The following RAB38 variants were observed in gnomAD, a reference collection of about 807,000 sequenced individuals.
The protein encoded by RAB38 is ras-related protein Rab-38.
Under a neutral mutation model 18.4 loss-of-function variants are expected in RAB38, and 15 were observed. That is an observed-to-expected ratio of 0.82 (90% CI 0.55 to 1.26). The LOEUF (loss-of-function observed/expected upper bound fraction) is 1.26. Ranked by LOEUF, RAB38 falls within the 50% of genes most tolerant of loss-of-function variation. The pLI, the probability that RAB38 is intolerant of heterozygous loss-of-function variation, is 0.00. For missense variants in RAB38, 294 were observed against 267.4 expected, an observed-to-expected ratio of 1.10 and a Z score of -0.69; for synonymous variants, 101 against 104.4, an observed-to-expected ratio of 0.97 and a Z score of 0.20.
the RAB38 span, among the ~76,000 whole-genome samples, chr11:87,870,341 A>G: frequency 6.6e-6 from 1 of 151,628 alleles, no homozygotes; most frequent in Non-Finnish European, 1.5e-5. Flanking sequence ...CATCGTGAAA[A>G]TGGCTCAGAA....
At chr11:87,956,453 G>T in the RAB38 span, among the ~76,000 whole-genome samples, 1 of 152,100 alleles carries the variant, frequency 6.6e-6, no homozygotes. Context: ...GCAGAGATTT[G>T]CTTAGCACAG....
chr11:87,973,201 T>C, the RAB38 span, among the ~76,000 whole-genome samples: 87 of 152,102 alleles, frequency 5.7e-4, no homozygotes, highest in African/African-American at 2.0e-3. Flanking sequence ...AGGGAGGAGC[T>C]AAATAAACAA....
the RAB38 span, among the ~76,000 whole-genome samples, chr11:87,885,142 C>T: frequency 8.6e-5 from 13 of 152,002 alleles, no homozygotes; most frequent in African/African-American, 2.2e-4. Flanking sequence ...CAACCTGCTA[C>T]GTAATCAAAA....
the RAB38 span, among the ~76,000 whole-genome samples, chr11:87,812,615 C>T: frequency 1.3e-5 from 2 of 152,184 alleles, no homozygotes; most frequent in Admixed American, 1.3e-4. Context: ...ACTGCAGGCG[C>T]AGGCTGTATG....
At chr11:87,846,434 AGGCTATTAGT>A in the RAB38 span, among the ~76,000 whole-genome samples, 1 of 152,108 alleles carries the variant, frequency 6.6e-6, no homozygotes. Flanking sequence ...AAGCATAAGA[AGGCTATTAGT>A]GGCTATGCTA....
At chr11:87,899,985 ATCAT>A in the RAB38 span, among the ~76,000 whole-genome samples, 2 of 151,162 alleles carry the variant, frequency 1.3e-5, no homozygotes, top group African/African-American at 2.4e-5. Context: ...TAGTCATTCC[ATCAT>A]TCATTCATTC....
At chr11:88,009,627 T>G in the RAB38 span, among the ~76,000 whole-genome samples, 1 of 152,158 alleles carries the variant, frequency 6.6e-6, no homozygotes, top group Non-Finnish European at 1.5e-5. Context: ...ATGATTCTGT[T>G]GAAGTGCTTG....
intron 2 of RAB38, among the ~76,000 whole-genome samples, chr11:88,140,068 G>A (rs1025244229): frequency 6.6e-6 from 1 of 152,226 alleles, no homozygotes; most frequent in Admixed American, 6.5e-5. Context: ...ATAATTCGGT[G>A]CACAAGCTAA....
the RAB38 span, among the ~76,000 whole-genome samples, chr11:87,850,745 CAT>C: frequency 2.7e-5 from 4 of 149,738 alleles, no homozygotes; most frequent in African/African-American, 7.4e-5. Context: ...CACACACACA[CAT>C]ACACACACAC....
chr11:87,894,101 T>C, the RAB38 span, among the ~76,000 whole-genome samples: 5 of 151,716 alleles, frequency 3.3e-5, no homozygotes, highest in Non-Finnish European at 5.9e-5. Context: ...TCAGCAACAT[T>C]TCATAGTTGT....
chr11:87,969,728 C>G, the RAB38 span, among the ~76,000 whole-genome samples: 1 of 152,102 alleles, frequency 6.6e-6, no homozygotes, highest in Non-Finnish European at 1.5e-5. Context: ...ACATATCTTA[C>G]TTTCTGTGTT....
At chr11:88,048,940 T>C in the RAB38 span, among the ~76,000 whole-genome samples, 2 of 152,296 alleles carry the variant, frequency 1.3e-5, no homozygotes, top group Admixed American at 1.3e-4. Context: ...CTCCTTGTCT[T>C]ATTCCGTTTA....
the RAB38 span, among the ~76,000 whole-genome samples, chr11:87,900,088 G>T: frequency 3.2e-3 from 485 of 151,628 alleles, 5 homozygotes; most frequent in African/African-American, 0.011. Flanking sequence ...TTACACCAAG[G>T]AGCTTACATC....
the RAB38 span, among the ~76,000 whole-genome samples, chr11:88,076,984 G>GA: frequency 0.086 from 5,307 of 61,462 alleles, 292 homozygotes; most frequent in East Asian, 0.17. Context: ...AAGAAAGAAA[G>GA]AAAGAAAAGA....
At chr11:88,080,914 A>G in the RAB38 span, among the ~76,000 whole-genome samples, 2 of 151,856 alleles carry the variant, frequency 1.3e-5, no homozygotes. Flanking sequence ...TAAAATAATA[A>G]TGAAAGAAAG....
At chr11:87,889,282 G>A in the RAB38 span, among the ~76,000 whole-genome samples, 1 of 151,738 alleles carries the variant, frequency 6.6e-6, no homozygotes, top group African/African-American at 2.4e-5. Flanking sequence ...AGTTTGCTGG[G>A]GCCAAACAAG....
chr11:88,124,888 C>T (rs1214181662), intron 2 of RAB38, among the ~76,000 whole-genome samples: 1 of 152,068 alleles, frequency 6.6e-6, no homozygotes, highest in Non-Finnish European at 1.5e-5. Flanking sequence ...TTTCATGGAC[C>T]AGGCACTATT....
the RAB38 span, among the ~76,000 whole-genome samples, chr11:88,042,882 G>A: frequency 1.3e-5 from 2 of 152,284 alleles, no homozygotes; most frequent in East Asian, 3.9e-4. Flanking sequence ...CATAGGCTGA[G>A]AACAGAAATG....
In RAB38 at chr11:88,140,133, C is replaced by T. The variant is rs570923231; in HGVS notation, c.483+9542G>A. 2.0e-5 allele frequency among the ~76,000 whole-genome samples: 3 copies of T among 152,298 alleles called. No individual in the cohort carries two copies. The East Asian group carries it at 5.8e-4, about 29-fold the overall frequency. Reference sequence around the variant, plus strand: ...ATTGCCAAGCAAAGAATTTGCAAATCTCAGTTGAGGGCCCAAGGCAAGGCA... The same window carrying T: ...ATTGCCAAGCAAAGAATTTGCAAATTTCAGTTGAGGGCCCAAGGCAAGGCA... On this transcript the variant is annotated intron_variant, in intron 2 of 2. Transcript: ENST00000243662.
Sources: gnomAD v4.1 joint callset for allele counts (sites outside exome capture counted in the v4.1 genomes callset) on GRCh38, gnomAD v4.1.1 for gene constraint, MANE v1.5 for transcripts, NCBI Gene and HGNC (gene_info 2026-07-23, HGNC 2026-07-21) for gene names.